Variants in DOCK7 observed in about 807,000 individuals in gnomAD.
DOCK7 encodes the protein dedicator of cytokinesis protein 7.
DOCK7 carries 138 observed loss-of-function variants against 271.0 expected under a neutral mutation model. The ratio of observed to expected loss-of-function variants is 0.51; its 90% CI spans 0.44 to 0.59. The LOEUF (loss-of-function observed/expected upper bound fraction) is 0.59, where lower values mean the gene tolerates loss of function less well. DOCK7 is among the 20% of genes least tolerant of loss of function. The pLI, the probability that DOCK7 is intolerant of heterozygous loss-of-function variation, is 0.00. For missense variants in DOCK7, 2,066 were observed against 2,592.4 expected (o/e 0.80, Z 4.41); for synonymous variants, 823 against 876.1 (o/e 0.94, Z 1.07).
chr1:62,579,124 T>C (rs1018894145), intron 16 of DOCK7, among the ~76,000 whole-genome samples, 158 bp from the exon 17 acceptor site: 5 of 152,154 alleles, frequency 3.3e-5, no homozygotes, highest in African/African-American at 1.2e-4. Context: ...AATAACTAAA[T>C]CTTACTTCCA....
At chr1:62,506,141 A>G (rs1355027356) in intron 35 of DOCK7, among the ~76,000 whole-genome samples, 1 of 152,188 alleles carries the variant, frequency 6.6e-6, no homozygotes, top group African/African-American at 2.4e-5. Context: ...AAATAACTAG[A>G]GATAAGGCTG....
chr1:62,619,791 A>G (rs2149588380), intron 13 of DOCK7, 109 bp downstream of exon 13: 1 of 591,328 alleles, frequency 1.7e-6, no homozygotes, highest in African/African-American at 2.1e-5. Context: ...TGGGCATAGA[A>G]AAATGTCTGG....
chr1:62,575,020 C>A (rs1646902231), intron 18 of DOCK7, among the ~76,000 whole-genome samples: 1 of 152,036 alleles, frequency 6.6e-6, no homozygotes, highest in Non-Finnish European at 1.5e-5. Context: ...CATGAGCCAC[C>A]ACACCTGGCC....
chr1:62,489,317 C>T (rs1418078661), intron 41 of DOCK7, among the ~76,000 whole-genome samples: 3 of 151,944 alleles, frequency 2.0e-5, no homozygotes, highest in Admixed American at 6.6e-5. Flanking sequence ...GGCGTGGTGG[C>T]GGGTGCCTGT....
At chr1:62,597,608 T>TA (rs1468270765) in intron 14 of DOCK7, 25 of 1,612,886 alleles carry the variant, frequency 1.6e-5, no homozygotes, top group Non-Finnish European at 2.1e-5. Flanking sequence ...TTCCTCTAGT[T>TA]ATTTCCTCCA....
intron 14 of DOCK7, among the ~76,000 whole-genome samples, chr1:62,611,793 T>C (rs1222832209): frequency 6.6e-6 from 1 of 152,060 alleles, no homozygotes; most frequent in African/African-American, 2.4e-5. Context: ...AAACTGATGA[T>C]AGTAAAATTC....
chr1:62,559,301 CAT>C, intron 19 of DOCK7, 81 bp from the exon 20 acceptor site: 2 of 1,004,438 alleles, frequency 2.0e-6, no homozygotes, highest in Non-Finnish European at 2.9e-6. Flanking sequence ...GGACCACAAA[CAT>C]GTCATATTAC....
At chr1:62,505,479 G>A (rs529811673) in intron 36 of DOCK7, among the ~76,000 whole-genome samples, 4 of 152,196 alleles carry the variant, frequency 2.6e-5, no homozygotes, top group East Asian at 1.9e-4. Flanking sequence ...AAGGTGATTC[G>A]AATAAATGAA....
At chr1:62,575,581 A>G (rs1427090452) in intron 18 of DOCK7, among the ~76,000 whole-genome samples, 2 of 152,230 alleles carry the variant, frequency 1.3e-5, no homozygotes, top group Non-Finnish European at 2.9e-5. Flanking sequence ...CTATTATATT[A>G]GCAGTTAAGT....
At chr1:62,477,346 A>G (rs1645996741) in intron 44 of DOCK7, among the ~76,000 whole-genome samples, 1 of 152,196 alleles carries the variant, frequency 6.6e-6, no homozygotes, top group Non-Finnish European at 1.5e-5. Flanking sequence ...GAAATTTCTT[A>G]GGGTTCTGGT....
chr1:62,491,528 C>G (rs10889334), intron 41 of DOCK7, among the ~76,000 whole-genome samples: 50,785 of 152,128 alleles, frequency 0.33, 8,656 homozygotes, highest in South Asian at 0.42. Context: ...TGGAAGGGAA[C>G]AAGATTGGGG....
At chr1:62,584,920 T>A (rs750363990) in intron 15 of DOCK7, 6 of 692,688 alleles carry the variant, frequency 8.7e-6, no homozygotes, top group Non-Finnish European at 1.6e-5. Context: ...AGGAAGAGTT[T>A]GTTAGGTAAA....
intron 13 of DOCK7, among the ~76,000 whole-genome samples, 198 bp from the exon 14 acceptor site, chr1:62,619,066 A>G (rs1652813310): frequency 6.6e-6 from 1 of 152,168 alleles, no homozygotes. Context: ...ACCGATCCAG[A>G]CATAAATGCA....
intron 14 of DOCK7, among the ~76,000 whole-genome samples, chr1:62,602,649 T>C (rs1650323223): frequency 6.6e-6 from 1 of 151,820 alleles, no homozygotes; most frequent in South Asian, 2.1e-4. Context: ...ATCATAACTA[T>C]AATTATTAAA....
intron 22 of DOCK7, among the ~76,000 whole-genome samples, chr1:62,550,732 T>G (rs971788689): frequency 1.1e-4 from 17 of 151,962 alleles, no homozygotes; most frequent in Admixed American, 9.8e-4. Context: ...TTTTTTTTTT[T>G]TTTCTGAAAT....
chr1:62,544,883 A>ATGTTT, intron 23 of DOCK7, 64 bp downstream of exon 23: 1 of 1,293,782 alleles, frequency 7.7e-7, no homozygotes, highest in Non-Finnish European at 1.1e-6. Context: ...AGTATATACT[A>ATGTTT]AAAAGTAATG....
intron 49 of DOCK7, among the ~76,000 whole-genome samples, chr1:62,456,475 A>C (rs1645350939): frequency 6.6e-6 from 1 of 152,210 alleles, no homozygotes; most frequent in Admixed American, 6.5e-5. Context: ...CAAAGAGATC[A>C]CATTGGCTTC....
At chr1:62,474,996 A>G (rs183338411) in intron 47 of DOCK7, among the ~76,000 whole-genome samples, 1 of 152,218 alleles carries the variant, frequency 6.6e-6, no homozygotes, top group Non-Finnish European at 1.5e-5. Context: ...TGTTTTAAAG[A>G]TCACATTCTT....
intron 44 of DOCK7, 78 bp from the exon 45 acceptor site, chr1:62,476,234 A>T: frequency 9.7e-7 from 1 of 1,029,798 alleles, no homozygotes; most frequent in South Asian, 1.5e-5. Flanking sequence ...GTGACTCCTG[A>T]GCAAAATTAG....
Sources: gnomAD v4.1 joint callset for allele counts (sites outside exome capture counted in the v4.1 genomes callset) on GRCh38, gnomAD v4.1.1 for gene constraint, MANE v1.5 for transcripts, NCBI Gene and HGNC (gene_info 2026-07-23, HGNC 2026-07-21) for gene names.